ARID1B: variants seen among roughly 807,000 people sequenced by gnomAD.
The protein encoded by ARID1B is AT-rich interaction domain 1B.
ARID1B carries 30 observed loss-of-function variants against 212.3 expected under a neutral mutation model. That is an observed-to-expected ratio of 0.14 (90% CI 0.11 to 0.19). The LOEUF (loss-of-function observed/expected upper bound fraction) is 0.19, where lower values mean the gene tolerates loss of function less well. ARID1B is among the 10% of genes least tolerant of loss of function. The pLI is 1.00. For synonymous variants in ARID1B, 1,402 were observed against 1,301.7 expected (o/e 1.08, Z -1.66); for missense variants, 2,891 against 3,204.0 (o/e 0.90, Z 2.36).
intron 3 of ARID1B, among the ~76,000 whole-genome samples, chr6:156,912,966 C>G (rs1790015890): frequency 2.0e-5 from 3 of 151,728 alleles, no homozygotes; most frequent in Admixed American, 1.3e-4. Context: ...CTTGAATTTA[C>G]TCTGTCTAGG....
At chr6:157,143,423 C>T (rs1181467235) in intron 7 of ARID1B, among the ~76,000 whole-genome samples, 2 of 147,938 alleles carry the variant, frequency 1.4e-5, no homozygotes, top group Admixed American at 1.3e-4. Context: ...AAGAAAGATA[C>T]GTTATCGAGT....
intron 8 of ARID1B, among the ~76,000 whole-genome samples, chr6:157,158,068 G>C (rs762428482): frequency 9.9e-5 from 15 of 152,182 alleles, no homozygotes; most frequent in Non-Finnish European, 1.9e-4. Flanking sequence ...ACAGAAACCT[G>C]TAAGATTGTG....
intron 2 of ARID1B, among the ~76,000 whole-genome samples, chr6:156,897,446 G>A (rs1788572410): frequency 6.6e-6 from 1 of 151,378 alleles, no homozygotes; most frequent in Admixed American, 6.6e-5. Context: ...GCTAATTTTT[G>A]TATTTTTAGT....
chr6:156,865,472 A>G (rs1188195624), intron 2 of ARID1B, among the ~76,000 whole-genome samples: 1 of 152,126 alleles, frequency 6.6e-6, no homozygotes, highest in East Asian at 1.9e-4. Context: ...AATCCTTTGC[A>G]TGTGACTCTC....
intron 2 of ARID1B, among the ~76,000 whole-genome samples, chr6:156,863,184 G>A (rs1242317234): frequency 6.6e-6 from 1 of 152,186 alleles, no homozygotes; most frequent in South Asian, 2.1e-4. Context: ...AAGGAACCTG[G>A]AAACCACCTG....
intron 7 of ARID1B, among the ~76,000 whole-genome samples, chr6:157,140,244 T>G (rs1423580387): frequency 6.6e-6 from 1 of 151,690 alleles, no homozygotes; most frequent in Non-Finnish European, 1.5e-5. Flanking sequence ...CTGAGGTGGG[T>G]GGATTGCTTA....
chr6:156,847,466 C>T (rs1014342925), intron 2 of ARID1B, among the ~76,000 whole-genome samples: 9 of 152,116 alleles, frequency 5.9e-5, no homozygotes, highest in Admixed American at 1.3e-4. Flanking sequence ...GTGGGAAGGC[C>T]GGCCAGGCTC....
intron 4 of ARID1B, among the ~76,000 whole-genome samples, chr6:157,039,642 C>CTTCCTTCCTTCCTTCCTTCCTTCT (rs1781609551): frequency 3.3e-5 from 4 of 122,574 alleles, no homozygotes; most frequent in African/African-American, 1.4e-4. Flanking sequence ...TCCTTCCTTC[C>CTTCCTTCCTTCCTTCCTTCCTTCT]TTCTTTCCTT....
chr6:156,888,564 A>T (rs2128182992), intron 2 of ARID1B, among the ~76,000 whole-genome samples: 1 of 151,752 alleles, frequency 6.6e-6, no homozygotes, highest in East Asian at 1.9e-4. Context: ...GGGCAATAAT[A>T]TAACAAGAAA....
chr6:156,834,957 G>A (rs1467770724), intron 2 of ARID1B, among the ~76,000 whole-genome samples: 3 of 152,154 alleles, frequency 2.0e-5, no homozygotes, highest in African/African-American at 4.8e-5. Context: ...TTTTTGGGCC[G>A]GGCGCGGTGG....
chr6:157,062,612 G>A (rs963559934), intron 4 of ARID1B, among the ~76,000 whole-genome samples: 6 of 151,724 alleles, frequency 4.0e-5, no homozygotes, highest in East Asian at 3.9e-4. Flanking sequence ...ACGGTGGTCC[G>A]ATGAGCACTC....
intron 4 of ARID1B, among the ~76,000 whole-genome samples, chr6:157,058,867 G>T (rs1293385412): frequency 6.6e-6 from 1 of 152,184 alleles, no homozygotes; most frequent in Non-Finnish European, 1.5e-5. Flanking sequence ...GTGGTCTGGG[G>T]TGATCAGGCA....
At chr6:157,098,408 C>G (rs570405140) in intron 5 of ARID1B, among the ~76,000 whole-genome samples, 1 of 152,188 alleles carries the variant, frequency 6.6e-6, no homozygotes, top group East Asian at 1.9e-4. Context: ...ATAGACCTTT[C>G]CCTCCACAAG....
At chr6:156,852,636 C>G (rs1237355256) in intron 2 of ARID1B, among the ~76,000 whole-genome samples, 1 of 152,114 alleles carries the variant, frequency 6.6e-6, no homozygotes, top group Non-Finnish European at 1.5e-5. Flanking sequence ...CATGTCAAGA[C>G]TAACTCAGAG....
At position 156,829,650 on chromosome 6, in the gene ARID1B, C is replaced by G. The variant is rs1783006112; in HGVS notation, c.1986+229C>G. The G allele has an allele frequency of 2.0e-5, 10 of 495,362 alleles. No homozygotes were observed. In the East Asian group the frequency reaches 3.0e-4, roughly 15 times the overall value. The allele number at this position is 495,362 out of a possible 1,614,324, so 30.7% of individuals were successfully genotyped here. ...CCTGTTTGGTAGAAGGGCAGCAGGA[C>G]CAGCTGTATTTGATAGGTGCACTGT... On this transcript the variant is annotated intron_variant, in intron 2 of 19. Transcript: ENST00000636930.
chr6:157,040,437 G>A (rs1036910886), intron 4 of ARID1B, among the ~76,000 whole-genome samples: 9 of 152,126 alleles, frequency 5.9e-5, no homozygotes, highest in Non-Finnish European at 1.2e-4. Context: ...TGTGTATGTC[G>A]CCGCTCCTTT....
chr6:156,795,948 T>C (rs1317447818), intron 1 of ARID1B, among the ~76,000 whole-genome samples: 1 of 152,170 alleles, frequency 6.6e-6, no homozygotes, highest in Non-Finnish European at 1.5e-5. Context: ...ACGTAAGCGG[T>C]CCTGCTGGGG....
chr6:156,926,913 G>A (rs561562682), intron 3 of ARID1B, among the ~76,000 whole-genome samples: 4 of 152,154 alleles, frequency 2.6e-5, no homozygotes, highest in South Asian at 4.2e-4. Context: ...AACTCCTGAC[G>A]CCGTGATCCG....
At chr6:156,799,300 G>A (rs548711067) in intron 1 of ARID1B, among the ~76,000 whole-genome samples, 2 of 152,296 alleles carry the variant, frequency 1.3e-5, no homozygotes, top group South Asian at 2.1e-4. Flanking sequence ...CACATCTAGC[G>A]AGTGGCACAG....
Sources: allele counts gnomAD v4.1 joint callset (sites outside exome capture counted in the v4.1 genomes callset), GRCh38; gene constraint gnomAD v4.1.1; transcripts MANE v1.5; gene names NCBI Gene and HGNC (gene_info 2026-07-23, HGNC 2026-07-21).